Variants in RYR2 observed in about 807,000 individuals in gnomAD.
RYR2 encodes the protein ryanodine receptor 2.
Under a neutral mutation model 601.1 loss-of-function variants are expected in RYR2, and 227 were observed. That is an observed-to-expected ratio of 0.38 (90% confidence interval 0.34 to 0.42). The LOEUF is 0.42. Ranked by LOEUF, RYR2 falls within the 10% of genes least tolerant of loss-of-function variation. RYR2 has a pLI of 1.00. For synonymous variants in RYR2, 2,223 were observed against 2,175.1 expected (o/e 1.02, Z -0.61); for missense variants, 4,646 against 6,156.5 (o/e 0.75, Z 8.21).
At chr1:237,626,839 CTG>C (rs1283241022) in intron 40 of RYR2, among the ~76,000 whole-genome samples, 1 of 151,782 alleles carries the variant, frequency 6.6e-6, no homozygotes, top group Non-Finnish European at 1.5e-5. Flanking sequence ...TTCCCAAGTG[CTG>C]GGATTATAGG....
chr1:237,566,904 A>G, intron 28 of RYR2, 129 bp downstream of exon 28: 2 of 967,394 alleles, frequency 2.1e-6, no homozygotes, highest in Non-Finnish European at 1.6e-6. Flanking sequence ...TTTCACAGGA[A>G]AGCTTTTGTC....
At chr1:237,096,851 G>A (rs1391202033) in intron 1 of RYR2, among the ~76,000 whole-genome samples, 1 of 152,182 alleles carries the variant, frequency 6.6e-6, no homozygotes, top group African/African-American at 2.4e-5. Flanking sequence ...ATCTGTGTGG[G>A]TGTGTCCAGG....
chr1:237,710,447 A>T (rs1446128074), intron 70 of RYR2, among the ~76,000 whole-genome samples: 1 of 152,178 alleles, frequency 6.6e-6, no homozygotes, highest in African/African-American at 2.4e-5. Flanking sequence ...GATGACAAAT[A>T]TTATTTATTG....
chr1:237,130,925 C>T (rs1057499458), intron 1 of RYR2, among the ~76,000 whole-genome samples: 8 of 152,216 alleles, frequency 5.3e-5, no homozygotes, highest in African/African-American at 1.9e-4. Context: ...GAGAAAGTCT[C>T]ATCTCTGAGA....
At position 237,155,875 on chromosome 1, in the gene RYR2, C is replaced by T. The variant is rs182926736; in HGVS notation, c.48+113306C>T. Among the ~76,000 whole-genome samples the T allele has an allele frequency of 3.5e-3, 537 of 152,286 alleles. 3 individuals carry two copies. Among genetic ancestry groups the T allele is most frequent in the Admixed American group, 7.4e-3 (113 of 15,298 alleles). On this transcript the variant is annotated intron_variant, in intron 1 of 104. Transcript: ENST00000366574. ...GGCATAAAGTGATCTCATTGTTCAA[C>T]CTCGTCACCATTTAACCAGCTGTTT...
At chr1:237,674,591 CATT>C (rs762480028) in intron 59 of RYR2, 137 bp from the exon 60 acceptor site, 198 of 448,568 alleles carry the variant, frequency 4.4e-4, no homozygotes, top group Non-Finnish European at 5.8e-4. Context: ...GCTACAATAA[CATT>C]AGAAAAACTT....
At chr1:237,521,242 A>C (rs1667054743) in intron 24 of RYR2, among the ~76,000 whole-genome samples, 1 of 152,168 alleles carries the variant, frequency 6.6e-6, no homozygotes, top group Non-Finnish European at 1.5e-5. Flanking sequence ...AGACAAAGGC[A>C]CAACAAAAAA....
chr1:237,594,073 C>A (rs1412880084), intron 33 of RYR2, among the ~76,000 whole-genome samples: 1 of 152,198 alleles, frequency 6.6e-6, no homozygotes, highest in Non-Finnish European at 1.5e-5. Flanking sequence ...TGAACTCGGA[C>A]TGAGGAGAAG....
intron 1 of RYR2, among the ~76,000 whole-genome samples, chr1:237,220,673 CT>C (rs1327191213): frequency 4.6e-5 from 7 of 152,164 alleles, no homozygotes; most frequent in Admixed American, 4.6e-4. Flanking sequence ...CTCACAAAAC[CT>C]TTTCAGAGTA....
chr1:237,677,945 C>T (rs533596704), intron 60 of RYR2, 103 bp from the exon 61 acceptor site: 257 of 725,886 alleles, frequency 3.5e-4, no homozygotes, highest in South Asian at 1.4e-3. Context: ...TTCAGTTTAG[C>T]GGGATAATAC....
intron 1 of RYR2, among the ~76,000 whole-genome samples, chr1:237,128,752 G>C (rs1671817157): frequency 6.6e-6 from 1 of 152,310 alleles, no homozygotes; most frequent in East Asian, 1.9e-4. Context: ...GAGAACTGCT[G>C]CAGCTGCAGA....
At chr1:237,354,981 C>T (rs186549371) in intron 3 of RYR2, among the ~76,000 whole-genome samples, 12 of 152,212 alleles carry the variant, frequency 7.9e-5, no homozygotes, top group Admixed American at 4.6e-4. Context: ...GAAATAATCA[C>T]TCTGTATGTT....
intron 54 of RYR2, among the ~76,000 whole-genome samples, chr1:237,658,678 G>T (rs1382823661): frequency 1.3e-5 from 2 of 152,124 alleles, no homozygotes; most frequent in African/African-American, 2.4e-5. Flanking sequence ...GAGATTACAG[G>T]CATGAGCCAC....
intron 63 of RYR2, among the ~76,000 whole-genome samples, chr1:237,696,428 C>G (rs563435627): frequency 6.6e-6 from 1 of 152,052 alleles, no homozygotes; most frequent in East Asian, 1.9e-4. Context: ...TTTCTTCTTA[C>G]TTATATTCAT....
chr1:237,423,079 C>T lies in RYR2; in HGVS notation c.849-13C>T, dbSNP rs757524222. The T allele has an allele frequency of 4.8e-5, 77 of 1,609,036 alleles. 1 individual carries two copies. The highest frequency in any genetic ancestry group is 6.4e-5 in the Non-Finnish European group (75 of 1,178,504). On this transcript the variant is annotated splice_polypyrimidine_tract_variant and intron_variant, in intron 11 of 104. Coordinates refer to ENST00000366574, the MANE Select transcript of RYR2 (RefSeq NM_001035.3). ...TGGGTGCTATTGGATCAAGTCCTAA[C>T]TGTTTTCATTAGGTGGAGTGGAAGC...
chr1:237,612,319 G>A (rs958367598), intron 36 of RYR2, among the ~76,000 whole-genome samples: 6 of 151,964 alleles, frequency 3.9e-5, no homozygotes, highest in African/African-American at 1.4e-4. Context: ...ATTCCTTTTG[G>A]GATGATAAAA....
chr1:237,805,822 T>A (rs1181460014), intron 98 of RYR2, among the ~76,000 whole-genome samples: 1 of 152,130 alleles, frequency 6.6e-6, no homozygotes, highest in East Asian at 1.9e-4. Flanking sequence ...TTCTAGCTAT[T>A]TGAAACTATA....
chr1:237,816,478 G>A (rs577001127), intron 100 of RYR2, among the ~76,000 whole-genome samples: 13 of 152,196 alleles, frequency 8.5e-5, no homozygotes, highest in Non-Finnish European at 1.8e-4. Flanking sequence ...CTGAGGTCAG[G>A]AGTTGTTCGA....
At chr1:237,193,952 CTT>C (rs1218626654) in intron 1 of RYR2, among the ~76,000 whole-genome samples, 1 of 152,178 alleles carries the variant, frequency 6.6e-6, no homozygotes, top group Admixed American at 6.5e-5. Flanking sequence ...ATTCTCATAA[CTT>C]TTCATTCTAT....
Sources: gnomAD v4.1 joint callset for allele counts (sites outside exome capture counted in the v4.1 genomes callset) on GRCh38, gnomAD v4.1.1 for gene constraint, MANE v1.5 for transcripts, NCBI Gene and HGNC (gene_info 2026-07-23, HGNC 2026-07-21) for gene names.